The following ATP6V0A1 variants were observed in gnomAD, a reference collection of about 807,000 sequenced individuals.
The protein encoded by ATP6V0A1 is ATPase H+ transporting V0 subunit a1.
A neutral mutation model predicts 105.4 loss-of-function variants in ATP6V0A1; 43 were observed. That is an observed-to-expected ratio of 0.41 (90% CI 0.32 to 0.53). The LOEUF is 0.53. Ranked by LOEUF, ATP6V0A1 falls within the 20% of genes least tolerant of loss-of-function variation. ATP6V0A1 has a pLI of 0.30. For synonymous variants in ATP6V0A1, 362 were observed against 372.8 expected (o/e 0.97, Z 0.33); for missense variants, 676 against 1,051.1 (o/e 0.64, Z 4.93).
intron 4 of ATP6V0A1, among the ~76,000 whole-genome samples, chr17:42,469,394 G>A (rs192469771): frequency 2.1e-5 from 3 of 141,236 alleles, no homozygotes; most frequent in South Asian, 2.2e-4. Context: ...GCAGTGGTGC[G>A]ATCTTGGCTC....
intron 10 of ATP6V0A1, among the ~76,000 whole-genome samples, chr17:42,488,267 A>T (rs770686467): frequency 2.6e-5 from 4 of 152,210 alleles, no homozygotes; most frequent in Non-Finnish European, 4.4e-5. Flanking sequence ...TGGTTAGACC[A>T]TGTATGTTTG....
In ATP6V0A1 at chr17:42,495,203, A is replaced by C; in HGVS notation, c.1469+15A>C. 6.2e-7 allele frequency: 1 copy of C among 1,612,502 alleles called. No homozygotes were observed. The highest frequency in any genetic ancestry group is 2.2e-5 in the East Asian group (1 of 44,854). Reference sequence around the variant, plus strand: ...TATAATTGGACGTAAGTTGCAGAAGAAGCTAAAATTCAAAGCTTATTCCTT... The same window carrying C: ...TATAATTGGACGTAAGTTGCAGAAGCAGCTAAAATTCAAAGCTTATTCCTT... On this transcript the variant is annotated intron_variant, in intron 13 of 21. Coordinates refer to ENST00000343619, the MANE Select transcript of ATP6V0A1 (RefSeq NM_001130021.3).
intron 4 of ATP6V0A1, among the ~76,000 whole-genome samples, chr17:42,468,597 C>T (rs1232899763): frequency 6.6e-6 from 1 of 152,156 alleles, no homozygotes; most frequent in East Asian, 1.9e-4. Context: ...TCTATGAGAT[C>T]AACTTTTTTA....
rs987147572 is a variant in ATP6V0A1, at chr17:42,490,674, T to C, written c.1174+37T>C. 7.0e-6 allele frequency: 11 copies of C among 1,561,744 alleles called. No homozygotes were observed. In the African/African-American group the frequency reaches 1.5e-4, roughly 22 times the overall value. ...CTTGTTATCTTTTTCCTCTAGAGTT[T>C]TTTTTGTTTGTTTGGTTGGTTTGGT... On this transcript the variant is annotated intron_variant, in intron 11 of 21. Transcript: ENST00000343619.
chr17:42,467,776 T>C (rs2087294874), intron 3 of ATP6V0A1, among the ~76,000 whole-genome samples: 1 of 152,148 alleles, frequency 6.6e-6, no homozygotes, highest in Non-Finnish European at 1.5e-5. Context: ...AGTTGTGGGA[T>C]GACCACCCTT....
intron 15 of ATP6V0A1, 26 bp downstream of exon 15, chr17:42,499,068 G>A: frequency 6.7e-7 from 1 of 1,484,214 alleles, no homozygotes; most frequent in Non-Finnish European, 9.4e-7. Flanking sequence ...TCTGTCATAA[G>A]AATGTGCATA....
At position 42,478,546 on chromosome 17, in the gene ATP6V0A1, T is replaced by C. The variant is rs750432237; in HGVS notation, c.590T>C (p.Leu197Pro). ...LWRVCRGNVF[L>P]RQAEIENPLE... ...CGGGTATGCCGGGGAAATGTGTTCCTGCGACAGGCTGAAATCGAGAACCCC... is the reference window on the plus strand; with the variant it reads ...CGGGTATGCCGGGGAAATGTGTTCCCGCGACAGGCTGAAATCGAGAACCCC... The change falls in exon 7 of 22, where the codon CTG becomes CCG. Residue 197 changes from leucine to proline, a missense_variant. Coordinates refer to ENST00000343619, the MANE Select transcript of ATP6V0A1 (RefSeq NM_001130021.3). The C allele has an allele frequency of 6.2e-7, 1 of 1,606,352 alleles. No individual in the cohort carries two copies. Among genetic ancestry groups the C allele is most frequent in the Admixed American group, 1.7e-5 (1 of 59,546 alleles).
chr17:42,502,479 A>G (rs1306515434), intron 17 of ATP6V0A1, among the ~76,000 whole-genome samples: 2 of 151,110 alleles, frequency 1.3e-5, no homozygotes, highest in African/African-American at 2.5e-5. Flanking sequence ...GTCTGTGTGT[A>G]TATGAATTCT....
intron 5 of ATP6V0A1, among the ~76,000 whole-genome samples, chr17:42,475,326 G>T (rs2088586448): frequency 6.6e-6 from 1 of 152,180 alleles, no homozygotes; most frequent in African/African-American, 2.4e-5. Context: ...TTTGTAAGGC[G>T]TGGTTTTCAG....
intron 10 of ATP6V0A1, 132 bp downstream of exon 10, chr17:42,487,499 G>A (rs759721289): frequency 1.7e-4 from 135 of 809,926 alleles, no homozygotes; most frequent in Non-Finnish European, 2.4e-4. Context: ...AGGCCGAGGC[G>A]GGCAGATCAT....
intron 11 of ATP6V0A1, among the ~76,000 whole-genome samples, chr17:42,491,644 C>T (rs918742223): frequency 1.3e-4 from 20 of 152,214 alleles, no homozygotes; most frequent in African/African-American, 7.2e-5. Flanking sequence ...CCATCACGCC[C>T]GGCTAATTTT....
Position 42,468,051 on chromosome 17 carries a change from A to G in ATP6V0A1, c.238A>G (p.Met80Val). Residue 80 changes from methionine to valine, a missense_variant, in exon 4 of 22, where the codon ATG becomes GTG. Coordinates refer to ENST00000343619, the MANE Select transcript of ATP6V0A1 (RefSeq NM_001130021.3). ...KEIRKANIPI[M>V]DTGENPEVPF... ...GATAAGAAAAGCTAACATTCCGATT[A>G]TGGACACCGGTGAAAACCCAGAGGT... 3 of 1,606,862 alleles carry G rather than the reference A, an allele frequency of 1.9e-6. No individual in the cohort carries two copies. The highest frequency in any genetic ancestry group is 2.5e-6 in the Non-Finnish European group (3 of 1,176,516).
At chr17:42,496,613 G>A (rs575470380) in intron 14 of ATP6V0A1, 1 of 152,074 alleles carries the variant, frequency 6.6e-6, no homozygotes, top group South Asian at 2.1e-4. Context: ...CACAGAGTCA[G>A]GTGGATCACT....
chr17:42,507,736 A>C, intron 18 of ATP6V0A1, 109 bp downstream of exon 18: 1 of 935,018 alleles, frequency 1.1e-6, no homozygotes, highest in Non-Finnish European at 1.7e-6. Context: ...AAAAATACTA[A>C]TTAATATTCA....
At chr17:42,500,456 G>A (rs1425396890) in intron 15 of ATP6V0A1, among the ~76,000 whole-genome samples, 3 of 152,326 alleles carry the variant, frequency 2.0e-5, no homozygotes, top group African/African-American at 7.2e-5. Flanking sequence ...ACTCCAGGCT[G>A]GGTAGCAGAG....
chr17:42,516,368 C>T (rs539041507), intron 21 of ATP6V0A1, among the ~76,000 whole-genome samples: 2 of 152,256 alleles, frequency 1.3e-5, no homozygotes, highest in African/African-American at 2.4e-5. Context: ...AGCCCTGCTG[C>T]GTCAGTAGAC....
At chr17:42,492,533 C>A (rs1168805619) in intron 11 of ATP6V0A1, among the ~76,000 whole-genome samples, 1 of 150,268 alleles carries the variant, frequency 6.7e-6, no homozygotes, top group African/African-American at 2.5e-5. Context: ...ATGGAGAAAC[C>A]CCGTCTCTAC....
chr17:42,505,978 G>C lies in ATP6V0A1; in HGVS notation c.2005-1542G>C, dbSNP rs532794342. Among the ~76,000 whole-genome samples the C allele has an allele frequency of 5.4e-3, 821 of 152,056 alleles. 2 individuals carry two copies. The highest frequency in any genetic ancestry group is 8.8e-3 in the Non-Finnish European group (600 of 67,982). On this transcript the variant is annotated intron_variant, in intron 17 of 21. Coordinates refer to ENST00000343619, the MANE Select transcript of ATP6V0A1 (RefSeq NM_001130021.3). Reference sequence around the variant, plus strand: ...AATTTTTGTATTTTTAGTAGAGACGGGGTTTCGCCATGTTGGCCAGGCTGA... The same window carrying C: ...AATTTTTGTATTTTTAGTAGAGACGCGGTTTCGCCATGTTGGCCAGGCTGA...
chr17:42,494,088 C>G (rs989049876), intron 11 of ATP6V0A1, among the ~76,000 whole-genome samples: 3 of 151,894 alleles, frequency 2.0e-5, no homozygotes, highest in African/African-American at 4.8e-5. Context: ...ACTAAAAATA[C>G]AAAACTTAGC....
Sources: gnomAD v4.1 joint callset for allele counts (sites outside exome capture counted in the v4.1 genomes callset) on GRCh38, gnomAD v4.1.1 for gene constraint, MANE v1.5 for transcripts, NCBI Gene and HGNC (gene_info 2026-07-23, HGNC 2026-07-21) for gene names.